Variants in INSL6 observed in about 807,000 individuals in gnomAD.
INSL6 encodes insulin like 6, also known as insulin-like peptide INSL6.
Under a neutral mutation model 9.4 loss-of-function variants are expected in INSL6, and 16 were observed. The ratio of observed to expected loss-of-function variants is 1.70; its 90% CI spans 1.15 to 2.59. The LOEUF is 2.59. Among genes scored for constraint, INSL6 ranks in the 30% most tolerant of loss-of-function variants. The probability of loss-of-function intolerance (pLI) is 0.00; values close to 1 mark genes in which losing one functional copy is unlikely to be tolerated. For synonymous variants in INSL6, 154 were observed against 96.9 expected (o/e 1.59, Z -3.46); for missense variants, 391 against 257.3 (o/e 1.52, Z -3.56).
chr9:5,072,452 A>G, the INSL6 span: 10 of 1,460,954 alleles, frequency 6.8e-6, no homozygotes, highest in South Asian at 1.5e-4. Context: ...TTCGTTCTCC[A>G]TCTTTACTCA....
chr9:4,997,524 T>C, the INSL6 span, among the ~76,000 whole-genome samples: 3 of 152,124 alleles, frequency 2.0e-5, no homozygotes, highest in South Asian at 2.1e-4. Context: ...AAGGGGGATG[T>C]TGCTAAACCA....
chr9:5,034,407 G>C, the INSL6 span, among the ~76,000 whole-genome samples: 25 of 152,250 alleles, frequency 1.6e-4, no homozygotes, highest in Middle Eastern at 3.4e-3. Context: ...GACATCTACA[G>C]AACTCTCCAC....
At chr9:5,041,246 G>C in the INSL6 span, 1 of 1,455,604 alleles carries the variant, frequency 6.9e-7, no homozygotes. Context: ...GCGGCAGCAC[G>C]CCATCCACAT....
the INSL6 span, among the ~76,000 whole-genome samples, chr9:5,056,275 C>CT: frequency 1.3e-5 from 2 of 152,038 alleles, no homozygotes; most frequent in African/African-American, 2.4e-5. Context: ...AACGCTTTCT[C>CT]TTTTTTTAAA....
chr9:5,009,641 C>T, the INSL6 span, among the ~76,000 whole-genome samples: 1 of 152,116 alleles, frequency 6.6e-6, no homozygotes, highest in Non-Finnish European at 1.5e-5. Context: ...ATTCCTACAA[C>T]CCCTGCCCCA....
At chr9:5,111,038 C>T in the INSL6 span, 600 of 909,506 alleles carry the variant, frequency 6.6e-4, 1 homozygote, top group Middle Eastern at 1.3e-3. Context: ...CTGGCCGGGG[C>T]GCAATTCAGA....
the INSL6 span, among the ~76,000 whole-genome samples, chr9:5,050,352 G>A: frequency 1.3e-5 from 2 of 152,134 alleles, no homozygotes; most frequent in Admixed American, 6.5e-5. Context: ...CTAGGGTGCA[G>A]TGGTGTGATC....
the INSL6 span, chr9:5,081,947 A>T: frequency 3.5e-6 from 4 of 1,139,426 alleles, no homozygotes; most frequent in Admixed American, 8.0e-5. Context: ...ACTTTCTACA[A>T]CATTTTAAGG....
At chr9:5,042,965 G>A in the INSL6 span, among the ~76,000 whole-genome samples, 1 of 152,242 alleles carries the variant, frequency 6.6e-6, no homozygotes, top group African/African-American at 2.4e-5. Context: ...CCGAGGCTGT[G>A]CTCCGACCCT....
chr9:5,006,933 T>C, the INSL6 span, among the ~76,000 whole-genome samples: 101 of 152,346 alleles, frequency 6.6e-4, no homozygotes, highest in African/African-American at 2.3e-3. Context: ...ATATTCCTGT[T>C]GTCTTTTACA....
At chr9:5,085,548 A>AATAG in the INSL6 span, 1 of 704,318 alleles carries the variant, frequency 1.4e-6, no homozygotes, top group Non-Finnish European at 2.7e-6. Context: ...CTCGGGTTAA[A>AATAG]ATAGATATAA....
the INSL6 span, among the ~76,000 whole-genome samples, chr9:5,019,657 C>T: frequency 6.6e-6 from 1 of 152,186 alleles, no homozygotes; most frequent in Non-Finnish European, 1.5e-5. Context: ...CTGGTGTAAT[C>T]ATCACTTCCA....
chr9:5,044,661 T>C, the INSL6 span: 1 of 523,720 alleles, frequency 1.9e-6, no homozygotes, highest in South Asian at 2.9e-5. Context: ...AGTAACAAAA[T>C]TGAGTCTTTT....
At chr9:5,147,387 C>G (rs1824620993) in intron 2 of INSL6, among the ~76,000 whole-genome samples, 1 of 152,114 alleles carries the variant, frequency 6.6e-6, no homozygotes, top group Admixed American at 6.5e-5. Flanking sequence ...TTTGTTATTC[C>G]AAGGGTAGCA....
chr9:5,164,022 C>A lies in INSL6; in HGVS notation c.533G>T (p.Cys178Phe). ...QRKRRGYSEKCCLTGCTKEEL... is the reference protein window; with the variant it reads ...QRKRRGYSEKFCLTGCTKEEL... ...TTCTTTTGTACATCCTGTAAGACAA[C>A]ACTTTTCTGAATATCCTCTGCGTTT... is the stretch of plus-strand genomic sequence containing the variant. The change falls in exon 2 of 2, where the codon TGT becomes TTT. Residue 178 changes from cysteine to phenylalanine, a missense_variant. Coordinates refer to ENST00000381641, the MANE Select transcript of INSL6 (RefSeq NM_007179.3). The A allele has an allele frequency of 1.9e-6, 3 of 1,613,574 alleles. No homozygotes were observed. Among genetic ancestry groups the A allele is most frequent in the Non-Finnish European group, 2.5e-6 (3 of 1,179,794 alleles).
At chr9:5,081,737 T>C in the INSL6 span, 1 of 1,595,054 alleles carries the variant, frequency 6.3e-7, no homozygotes, top group East Asian at 2.2e-5. Flanking sequence ...TATGAACTAT[T>C]AACAGAAAAT....
chr9:5,181,312 A>G (rs1359811132), intron 1 of INSL6, among the ~76,000 whole-genome samples: 3 of 152,198 alleles, frequency 2.0e-5, no homozygotes, highest in Non-Finnish European at 2.9e-5. Context: ...AGTATCAAAA[A>G]TAGTAACGAT....
the INSL6 span, among the ~76,000 whole-genome samples, chr9:5,047,778 T>G: frequency 5.9e-5 from 9 of 151,958 alleles, no homozygotes; most frequent in Non-Finnish European, 1.3e-4. Flanking sequence ...TTAGTTTTGG[T>G]TTTGTGGAGA....
At chr9:5,091,083 A>C in the INSL6 span, 1 of 500,734 alleles carries the variant, frequency 2.0e-6, no homozygotes, top group Non-Finnish European at 3.5e-6. Flanking sequence ...GTTATAGTCC[A>C]CGTGGGAAAA....
Sources: gnomAD v4.1 joint callset for allele counts (sites outside exome capture counted in the v4.1 genomes callset) on GRCh38, gnomAD v4.1.1 for gene constraint, MANE v1.5 for transcripts, NCBI Gene and HGNC (gene_info 2026-07-23, HGNC 2026-07-21) for gene names.